STAB2: variants seen among roughly 807,000 people sequenced by gnomAD.
STAB2 encodes the protein stabilin-2.
STAB2 carries 288 observed loss-of-function variants against 338.1 expected under a neutral mutation model. That is an observed-to-expected ratio of 0.85 (90% CI 0.77 to 0.94). STAB2 has a LOEUF of 0.94. STAB2 is among the 40% of genes least tolerant of loss of function. STAB2 has a pLI of 0.00. For synonymous variants in STAB2, 1,202 were observed against 1,193.3 expected, an observed-to-expected ratio of 1.01 and a Z score of -0.15; for missense variants, 3,141 against 3,210.1, an observed-to-expected ratio of 0.98 and a Z score of 0.52.
chr12:103,660,698 C>G lies in STAB2; in HGVS notation c.1804C>G (p.Leu602Val), dbSNP rs747286687. The G allele has an allele frequency of 8.7e-6, 14 of 1,614,080 alleles. No homozygotes were observed. Among genetic ancestry groups the G allele is most frequent in the Non-Finnish European group, 1.2e-5 (14 of 1,179,992 alleles). The change falls in exon 17 of 69, where the codon CTC (leucine) becomes GTC (valine). Residue 602 changes from leucine to valine, a missense_variant. By Grantham distance (32) the Leu-to-Val change is conservative. Transcript: ENST00000388887. ...CTTATTGCAGCTTGAAGTGGCCACTCTCATCTCCACCCCTCACATCAGGAG... is the reference window on the plus strand; with the variant it reads ...CTTATTGCAGCTTGAAGTGGCCACTGTCATCTCCACCCCTCACATCAGGAG... ...VPFTQLEVAT[L>V]ISTPHIRSMA...
intron 12 of STAB2, among the ~76,000 whole-genome samples, chr12:103,653,719 G>GATGT (rs1176169775): frequency 6.7e-6 from 1 of 150,174 alleles, no homozygotes; most frequent in Non-Finnish European, 1.5e-5. Context: ...TAGATGGATG[G>GATGT]ATGGATGGAT....
At chr12:103,640,342 A>G in intron 9 of STAB2, 86 bp downstream of exon 9, 1 of 1,540,676 alleles carries the variant, frequency 6.5e-7, no homozygotes, top group Non-Finnish European at 8.8e-7. Flanking sequence ...AAGGGGAGGA[A>G]ATGTGTCTTA....
chr12:103,632,093 A>G (rs186810782), intron 6 of STAB2, among the ~76,000 whole-genome samples: 29 of 152,282 alleles, frequency 1.9e-4, no homozygotes, highest in African/African-American at 6.7e-4. Flanking sequence ...TAACAGCCCT[A>G]AGGAAGAGGA....
At chr12:103,715,783 TC>T (rs1880260894) in intron 42 of STAB2, 31 bp from the exon 43 acceptor site, 5 of 1,613,848 alleles carry the variant, frequency 3.1e-6, no homozygotes, top group Non-Finnish European at 4.2e-6. Context: ...AGACTGGATT[TC>T]CAGGCCAGAT....
chr12:103,631,768 G>A (rs1957467146), intron 6 of STAB2, 75 bp downstream of exon 6: 12 of 1,445,710 alleles, frequency 8.3e-6, no homozygotes, highest in Non-Finnish European at 9.7e-6. Context: ...TTTTGTATCT[G>A]TTACTGGTTC....
chr12:103,735,609 G>C lies in STAB2; in HGVS notation c.5550+29G>C, dbSNP rs556810898. ...AGTATCATCATGAAGGGTGGGCAGG[G>C]AGGGGTTAACACATTCACAGCAAGC... On this transcript the variant is annotated intron_variant, in intron 52 of 68. Transcript: ENST00000388887. 8 of 970,308 alleles carry C rather than the reference G, an allele frequency of 8.2e-6. 1 individual carries two copies. In the South Asian group the frequency reaches 1.1e-4, roughly 13 times the overall value. 60.1% of individuals were successfully genotyped at this position (970,308 alleles called of 1,614,324 possible). A position where few individuals can be genotyped will look rare whatever the true frequency, so the allele number is the denominator to read the frequency against.
At chr12:103,636,133 G>C (rs1219381211) in intron 6 of STAB2, among the ~76,000 whole-genome samples, 5 of 151,518 alleles carry the variant, frequency 3.3e-5, no homozygotes, top group Non-Finnish European at 7.4e-5. Flanking sequence ...TGCCATGTTG[G>C]TGTGCTGCAC....
chr12:103,704,850 T>C, intron 36 of STAB2: 1 of 403,558 alleles, frequency 2.5e-6, no homozygotes. Flanking sequence ...AGGACAGAAA[T>C]TTTTTATGCT....
intron 16 of STAB2, 102 bp from the exon 17 acceptor site, chr12:103,660,581 T>A: frequency 1.4e-6 from 2 of 1,387,442 alleles, no homozygotes; most frequent in Admixed American, 3.5e-5. Context: ...TCCCTTTACT[T>A]ATTTCACTTT....
chr12:103,730,379 A>T, intron 49 of STAB2, 123 bp downstream of exon 49: 1 of 1,116,880 alleles, frequency 9.0e-7, no homozygotes, highest in Non-Finnish European at 1.3e-6. Flanking sequence ...AGCTATTATT[A>T]AAAGCCTAGT....
chr12:103,613,198 C>G (rs1392578413), intron 3 of STAB2, among the ~76,000 whole-genome samples: 4 of 152,202 alleles, frequency 2.6e-5, no homozygotes, highest in African/African-American at 9.6e-5. Context: ...GGGAGAATCA[C>G]TACTGTCTTC....
intron 5 of STAB2, among the ~76,000 whole-genome samples, chr12:103,627,832 G>A (rs1957403668): frequency 6.6e-6 from 1 of 152,226 alleles, no homozygotes; most frequent in Non-Finnish European, 1.5e-5. Context: ...TCCACTGGGT[G>A]CATGACAACA....
rs552799792 is a variant in STAB2, at chr12:103,690,790, C to G, written c.3297+252C>G. ...CACTGATTGGCCACAAGTCTTGCAACAGACCACAGACTAACCCAGAAAGGG... is the reference window on the plus strand; with the variant it reads ...CACTGATTGGCCACAAGTCTTGCAAGAGACCACAGACTAACCCAGAAAGGG... On this transcript the variant is annotated intron_variant, in intron 30 of 68. Transcript: ENST00000388887. Among the ~76,000 whole-genome samples the G allele has an allele frequency of 3.0e-4, 45 of 152,284 alleles. No homozygotes were observed. The South Asian group carries it at 7.7e-3, about 26-fold the overall frequency.
intron 13 of STAB2, among the ~76,000 whole-genome samples, 195 bp from the exon 14 acceptor site, chr12:103,655,056 T>C (rs1874076851): frequency 6.6e-6 from 1 of 152,256 alleles, no homozygotes; most frequent in African/African-American, 2.4e-5. Context: ...CAAAGGATAC[T>C]TCAGAACATG....
chr12:103,686,996 C>T (rs1027293094), intron 27 of STAB2, among the ~76,000 whole-genome samples: 10 of 152,128 alleles, frequency 6.6e-5, no homozygotes, highest in Admixed American at 1.3e-4. Flanking sequence ...CACTTTCTTG[C>T]TAACTTACTT....
At chr12:103,735,636 A>G (rs1012596915) in intron 52 of STAB2, 56 bp downstream of exon 52, 30 of 1,295,994 alleles carry the variant, frequency 2.3e-5, no homozygotes, top group Non-Finnish European at 3.1e-5. Flanking sequence ...ACAGCAAGCT[A>G]TTCCCCAACA....
chr12:103,596,582 G>A (rs774383759), intron 3 of STAB2, among the ~76,000 whole-genome samples: 1 of 152,204 alleles, frequency 6.6e-6, no homozygotes, highest in African/African-American at 2.4e-5. Flanking sequence ...AATTTTGTAA[G>A]TGTTTAATGA....
In STAB2 at chr12:103,758,296, T is replaced by G; in HGVS notation, c.7107+7T>G. 1 of 1,613,008 alleles carries G rather than the reference T, an allele frequency of 6.2e-7. No individual in the cohort carries two copies. On this transcript the variant is annotated splice_region_variant and intron_variant, in intron 64 of 68. Coordinates refer to ENST00000388887, the MANE Select transcript of STAB2 (RefSeq NM_017564.10). ...TGGGCTGGGGGAGAATGAGGTGAGT[T>G]GAGTCCCTGGTGCCTTTGCTTTAGA...
intron 3 of STAB2, among the ~76,000 whole-genome samples, chr12:103,610,003 A>G (rs2138593530): frequency 6.6e-6 from 1 of 152,274 alleles, no homozygotes; most frequent in East Asian, 1.9e-4. Flanking sequence ...TGATTTGCGT[A>G]TGTTGAACCA....
Sources: allele counts gnomAD v4.1 joint callset (sites outside exome capture counted in the v4.1 genomes callset), GRCh38; gene constraint gnomAD v4.1.1; transcripts MANE v1.5; gene names NCBI Gene and HGNC (gene_info 2026-07-23, HGNC 2026-07-21).